B4GALNT3: variants seen among roughly 807,000 people sequenced by gnomAD.
The protein encoded by B4GALNT3 is beta-1,4-N-acetylgalactosaminyltransferase 3.
In B4GALNT3, 86 loss-of-function variants were observed where a neutral mutation model predicts 120.2. That is an observed-to-expected ratio of 0.72 (90% CI 0.60 to 0.86). B4GALNT3 has a LOEUF of 0.86. Ranked by LOEUF, B4GALNT3 falls within the 40% of genes least tolerant of loss-of-function variation. B4GALNT3 has a pLI of 0.00. For missense variants in B4GALNT3, 1,167 were observed against 1,298.9 expected (o/e 0.90, Z 1.56); for synonymous variants, 518 against 510.4 (o/e 1.01, Z -0.20).
intron 1 of B4GALNT3, among the ~76,000 whole-genome samples, chr12:465,747 G>C (rs953796294): frequency 3.3e-5 from 5 of 151,736 alleles, no homozygotes; most frequent in African/African-American, 4.8e-5. Flanking sequence ...GATGGTGCTG[G>C]GGCTGCCTGC....
rs935305340 is a variant in B4GALNT3 at position 544,814 on chromosome 12, C to G, written c.448-68C>G. On this transcript the variant is annotated intron_variant, in intron 4 of 19. Transcript: ENST00000266383. ...TCATAGTCCCCTCCTGGTCTTCCCG[C>G]CAATCCTGGCGGGAAGTTTCCTTTT... 8.6e-6 allele frequency: 13 copies of G among 1,520,460 alleles called. No homozygotes were observed. The Admixed American group carries it at 2.1e-4, about 24-fold the overall frequency. 94.2% of individuals were successfully genotyped at this position (1,520,460 alleles called of 1,614,324 possible). A position where few individuals can be genotyped will look rare whatever the true frequency, so the allele number is the denominator to read the frequency against.
chr12:474,368 C>G (rs551693112), intron 1 of B4GALNT3, among the ~76,000 whole-genome samples: 1 of 152,308 alleles, frequency 6.6e-6, no homozygotes, highest in South Asian at 2.1e-4. Context: ...TTCCGCACGT[C>G]CATTAGTACA....
At chr12:469,193 G>A (rs1016223325) in intron 1 of B4GALNT3, among the ~76,000 whole-genome samples, 2 of 152,126 alleles carry the variant, frequency 1.3e-5, no homozygotes. Context: ...CAGTTCAAGC[G>A]CCATGACTCA....
At chr12:528,900 C>T (rs570088165) in intron 1 of B4GALNT3, among the ~76,000 whole-genome samples, 15 of 152,290 alleles carry the variant, frequency 9.8e-5, no homozygotes, top group African/African-American at 2.2e-4. Flanking sequence ...GCTCTGTTTC[C>T]GTTCAGCTCC....
At chr12:526,914 C>T (rs149767584) in intron 1 of B4GALNT3, among the ~76,000 whole-genome samples, 110 of 152,004 alleles carry the variant, frequency 7.2e-4, no homozygotes, top group African/African-American at 2.5e-3. Context: ...TGGTTTTAGA[C>T]TTTGTGTTTT....
intron 1 of B4GALNT3, among the ~76,000 whole-genome samples, chr12:504,133 G>A (rs1323437771): frequency 7.0e-6 from 1 of 142,602 alleles, no homozygotes; most frequent in African/African-American, 2.6e-5. Flanking sequence ...AAAAAAAAGT[G>A]TTAAAGTAAC....
Position 460,523 on chromosome 12 carries a change from C to A in B4GALNT3, c.147C>A (p.Val49=). 1 of 1,549,214 alleles carries A rather than the reference C, an allele frequency of 6.5e-7. No homozygotes were observed. The stretch of plus-strand genomic sequence containing the variant: ...TGGAACTGGTGGCGTCGGCCCAGGT[C>A]GGCGGGAACCCCCTGAACCGGAGTA... ...LYLELVASAQ[V]GGNPLNRRYG... is the part of the protein sequence containing the mutation. Residue 49 remains valine, a synonymous_variant, in exon 1 of 20, where the codon GTC becomes GTA. Coordinates refer to ENST00000266383, the MANE Select transcript of B4GALNT3 (RefSeq NM_173593.4). This position sits in a 1 kb window ranked among gnomAD's most constrained non-coding sequence, Gnocchi z 8.0.
Position 517,819 on chromosome 12 carries a change from G to A in B4GALNT3, c.170-17347G>A, listed in dbSNP as rs1278638138. 4.6e-5 allele frequency among the ~76,000 whole-genome samples: 7 copies of A among 152,204 alleles called. No homozygotes were observed. In the South Asian group the frequency reaches 6.2e-4, roughly 13 times the overall value. ...AACTCCAGTCCAGCCATGCATTAGC[G>A]GCCGTGGCAGGACCATCAGCCATGA... On this transcript the variant is annotated intron_variant, in intron 1 of 19. Coordinates refer to ENST00000266383, the MANE Select transcript of B4GALNT3 (RefSeq NM_173593.4).
intron 1 of B4GALNT3, among the ~76,000 whole-genome samples, chr12:509,955 C>T (rs186029797): frequency 6.2e-4 from 94 of 152,350 alleles, no homozygotes; most frequent in Non-Finnish European, 1.0e-3. Context: ...CTCGCCCCTA[C>T]GAGACCTGCT....
At chr12:473,302 C>T (rs1320696246) in intron 1 of B4GALNT3, among the ~76,000 whole-genome samples, 1 of 152,176 alleles carries the variant, frequency 6.6e-6, no homozygotes, top group African/African-American at 2.4e-5. Flanking sequence ...ATCCCAGGAA[C>T]TTGTGACTGT....
At chr12:555,622 A>G (rs1947142613) in intron 14 of B4GALNT3, among the ~76,000 whole-genome samples, 1 of 152,200 alleles carries the variant, frequency 6.6e-6, no homozygotes, top group South Asian at 2.1e-4. Flanking sequence ...CTTCTGGGTC[A>G]TATGGTAACT....
intron 1 of B4GALNT3, among the ~76,000 whole-genome samples, chr12:464,091 C>T (rs561008790): frequency 6.6e-6 from 1 of 152,216 alleles, no homozygotes; most frequent in African/African-American, 2.4e-5. Context: ...TGAAGCTGTC[C>T]TGGGGAGGGG....
chr12:478,529 A>G (rs910920727), intron 1 of B4GALNT3, among the ~76,000 whole-genome samples: 1 of 152,228 alleles, frequency 6.6e-6, no homozygotes, highest in African/African-American at 2.4e-5. Flanking sequence ...AAACTACCCA[A>G]GGTACTTGTT....
At chr12:552,575 C>T (rs1487905691) in intron 13 of B4GALNT3, 47 bp downstream of exon 13, 2 of 1,577,380 alleles carry the variant, frequency 1.3e-6, no homozygotes, top group Admixed American at 3.4e-5. Flanking sequence ...AGAGGGGCGA[C>T]CATGGTCTGT....
In B4GALNT3 at chr12:467,180, T is replaced by C. The variant is rs1454871291; in HGVS notation, c.169+6635T>C. Among the ~76,000 whole-genome samples the C allele has an allele frequency of 7.2e-5, 11 of 152,208 alleles. No homozygotes were observed. In the East Asian group the frequency reaches 2.1e-3, roughly 29 times the overall value. The stretch of plus-strand genomic sequence containing the variant: ...CAGAGTGCAGTGGTGTGATCTTAGC[T>C]TATGCAGCCTTGAACTCCTGGGCTC... On this transcript the variant is annotated intron_variant, in intron 1 of 19. Transcript: ENST00000266383.
In B4GALNT3 at chr12:561,527, G is replaced by A. The variant is rs898844471; in HGVS notation, c.*76G>A. ...CTCCCCAGGGCCCTGCTACTGTTCAGGGATGGGGAGTGGGGTGACGGCTGG... is the reference window on the plus strand; with the variant it reads ...CTCCCCAGGGCCCTGCTACTGTTCAAGGATGGGGAGTGGGGTGACGGCTGG... On this transcript the variant is annotated 3_prime_UTR_variant, in exon 20 of 20. Transcript: ENST00000266383. The A allele has an allele frequency of 4.1e-6, 5 of 1,212,008 alleles. No individual in the cohort carries two copies. The East Asian group carries it at 1.3e-4, about 30-fold the overall frequency. 75.1% of individuals were successfully genotyped at this position (1,212,008 alleles called of 1,614,324 possible).
At chr12:511,558 ACCTTCCG>A (rs1946561480) in intron 1 of B4GALNT3, among the ~76,000 whole-genome samples, 1 of 64,256 alleles carries the variant, frequency 1.6e-5, no homozygotes. Context: ...TCCACCTTCC[ACCTTCCG>A]CCTTCGACCT....
chr12:526,603 A>C (rs759760176), intron 1 of B4GALNT3, among the ~76,000 whole-genome samples: 3 of 152,214 alleles, frequency 2.0e-5, no homozygotes, highest in Non-Finnish European at 4.4e-5. Flanking sequence ...TCCCCTTCAC[A>C]GGACTGTGTT....
intron 1 of B4GALNT3, among the ~76,000 whole-genome samples, chr12:463,598 T>C (rs1946046615): frequency 6.6e-6 from 1 of 152,108 alleles, no homozygotes; most frequent in Non-Finnish European, 1.5e-5. Context: ...GGTTGTAATA[T>C]AAAGCAGTCA....
Sources: gnomAD v4.1 joint callset for allele counts (sites outside exome capture counted in the v4.1 genomes callset) on GRCh38, gnomAD v4.1.1 for gene constraint, Gnocchi (gnomAD v3.1) non-coding constraint, MANE v1.5 for transcripts, NCBI Gene and HGNC (gene_info 2026-07-23, HGNC 2026-07-21) for gene names.